Variants in YBX1 observed in about 807,000 individuals in gnomAD.
YBX1 encodes the protein Y-box-binding protein 1.
A neutral mutation model predicts 41.4 loss-of-function variants in YBX1; 3 were observed. The observed-to-expected ratio is 0.07, with a 90% confidence interval of 0.03 to 0.19. YBX1 has a LOEUF of 0.19. Among genes scored for constraint, YBX1 ranks in the 10% least tolerant of loss-of-function variants. The probability of loss-of-function intolerance (pLI) is 1.00; values close to 1 mark genes in which losing one functional copy is unlikely to be tolerated. For missense variants in YBX1, 274 were observed against 462.8 expected (o/e 0.59, Z 3.74); for synonymous variants, 133 against 165.8 (o/e 0.80, Z 1.52).
rs1370838223 is a variant in YBX1 at position 42,696,285 on chromosome 1, A to G, written c.351A>G (p.Glu117=). ...TGGAGTTTGATGTTGTTGAAGGAGA[A>G]AAGGTGAGGATGCTTTTTGTGTAAA... ...ETVEFDVVEG[E]KGAEAANVTG... The change falls in exon 4 of 8, where the codon GAA becomes GAG. Residue 117 remains glutamate, a synonymous_variant. Transcript: ENST00000321358. This position sits in a 1 kb window ranked among gnomAD's most constrained non-coding sequence, Gnocchi z 5.7. 8 of 1,612,846 alleles carry G rather than the reference A, an allele frequency of 5.0e-6. No homozygotes were observed. The highest frequency in any genetic ancestry group is 6.8e-6 in the Non-Finnish European group (8 of 1,179,428).
intron 6 of YBX1, among the ~76,000 whole-genome samples, chr1:42,699,584 G>A (rs988605646): frequency 4.0e-5 from 6 of 151,366 alleles, no homozygotes; most frequent in Non-Finnish European, 8.8e-5. Flanking sequence ...TTTATACTTG[G>A]ATAAAGAGGG....
chr1:42,688,536 G>T (rs1650254481), intron 2 of YBX1, among the ~76,000 whole-genome samples: 1 of 152,182 alleles, frequency 6.6e-6, no homozygotes, highest in African/African-American at 2.4e-5. Flanking sequence ...ACTGCCTATT[G>T]CTACTGCAGT....
Position 42,683,257 on chromosome 1 carries a change from C to G in YBX1, c.167-146C>G, listed in dbSNP as rs758841542. ...ACGTGTGCGGCGGCGGCGGCGACTG[C>G]GTGGCCCCGCACCCGGGCGGTGGAG... On this transcript the variant is annotated intron_variant, in intron 1 of 7. Transcript: ENST00000321358. 5 of 928,250 alleles carry G rather than the reference C, an allele frequency of 5.4e-6. No homozygotes were observed. The South Asian group carries it at 6.8e-5, about 13-fold the overall frequency. The allele number at this position is 928,250 out of a possible 1,614,324, so 57.5% of individuals were successfully genotyped here.
chr1:42,689,732 A>G (rs921433866), intron 2 of YBX1, among the ~76,000 whole-genome samples: 1 of 152,178 alleles, frequency 6.6e-6, no homozygotes, highest in Non-Finnish European at 1.5e-5. Flanking sequence ...GGCAAGCTGT[A>G]ATTGTCTTTT....
chr1:42,694,375 C>T (rs1357364554), intron 3 of YBX1, among the ~76,000 whole-genome samples: 2 of 150,942 alleles, frequency 1.3e-5, no homozygotes, highest in Non-Finnish European at 3.0e-5. Context: ...CTCACAGATA[C>T]GAAATGAGTA....
In YBX1 at chr1:42,696,622, A is replaced by G. The variant is rs910904973; in HGVS notation, c.355-20A>G. 3 of 1,486,294 alleles carry G rather than the reference A, an allele frequency of 2.0e-6. No individual in the cohort carries two copies. The highest frequency in any genetic ancestry group is 2.8e-5 in the South Asian group (2 of 70,704). The allele number at this position is 1,486,294 out of a possible 1,614,324, so 92.1% of individuals were successfully genotyped here. Reference sequence around the variant, plus strand: ...GTTCTGATTTCCTTTGTCACTATCAATATGTAATGGCTTTTGTAGGGTGCG... The same window carrying G: ...GTTCTGATTTCCTTTGTCACTATCAGTATGTAATGGCTTTTGTAGGGTGCG... On this transcript the variant is annotated intron_variant, in intron 4 of 7. Coordinates refer to ENST00000321358, the MANE Select transcript of YBX1 (RefSeq NM_004559.5). The surrounding 1 kb of genome is among the most constrained non-coding windows in gnomAD (Gnocchi z 5.7).
intron 2 of YBX1, among the ~76,000 whole-genome samples, chr1:42,687,365 A>AC (rs11411296): frequency 0.49 from 74,550 of 151,648 alleles, 18,550 homozygotes; most frequent in African/African-American, 0.54. Flanking sequence ...GCTCACTGCA[A>AC]CTCCGCCTCC....
chr1:42,683,949 A>C (rs1470959187), intron 2 of YBX1, among the ~76,000 whole-genome samples: 6 of 152,058 alleles, frequency 3.9e-5, no homozygotes, highest in Admixed American at 3.9e-4. Context: ...CCTTTGTTTC[A>C]CGTTTCATTT....
At chr1:42,699,624 T>G (rs1214492273) in intron 6 of YBX1, among the ~76,000 whole-genome samples, 1 of 151,968 alleles carries the variant, frequency 6.6e-6, no homozygotes, top group Non-Finnish European at 1.5e-5. Flanking sequence ...GGTTGTTTTT[T>G]TTTTTTTAAA....
chr1:42,683,062 C>A, intron 1 of YBX1: 1 of 465,516 alleles, frequency 2.1e-6, no homozygotes. Context: ...TCGCGTCACC[C>A]CCACCCAGCT....
chr1:42,683,270 C>T (rs753522365), intron 1 of YBX1, 133 bp from the exon 2 acceptor site: 2 of 1,061,968 alleles, frequency 1.9e-6, no homozygotes, highest in Admixed American at 3.7e-5. Context: ...GGCCCCGCAC[C>T]CGGGCGGTGG....
intron 1 of YBX1, chr1:42,683,161 C>T (rs910921837): frequency 9.2e-6 from 6 of 653,024 alleles, no homozygotes; most frequent in Admixed American, 2.2e-5. Context: ...CGTCCGCGGC[C>T]TGCGCACACA....
Position 42,702,431 on chromosome 1 carries a change from A to T in YBX1, c.*482A>T, listed in dbSNP as rs879838583. On this transcript the variant is annotated 3_prime_UTR_variant, in exon 8 of 8. Coordinates refer to ENST00000321358, the MANE Select transcript of YBX1 (RefSeq NM_004559.5). ...TAGGACCCTTAGCTTGACCCAGTCT[A>T]CAAATAGATGATGCTCACTGGTAAT... The T allele has an allele frequency of 2.0e-5, 3 of 152,658 alleles. No homozygotes were observed. The highest frequency in any genetic ancestry group is 2.0e-4 in the Admixed American group (3 of 15,286). 9.5% of individuals were successfully genotyped at this position (152,658 alleles called of 1,614,324 possible).
Position 42,682,703 on chromosome 1 carries a change from G to A in YBX1, c.138G>A (p.Ala46=), listed in dbSNP as rs923787749. The A allele has an allele frequency of 2.4e-5, 30 of 1,251,388 alleles. No homozygotes were observed. The highest frequency in any genetic ancestry group is 3.3e-5 in the East Asian group (1 of 30,308). The allele number at this position is 1,251,388 out of a possible 1,614,324, so 77.5% of individuals were successfully genotyped here. ...SGGPGGLTSA[A]PAGGDKKVIA... Reference sequence around the variant, plus strand: ...GCCCGGGCGGCCTCACATCGGCGGCGCCTGCCGGCGGGGACAAGAAGGTCA... The same window carrying A: ...GCCCGGGCGGCCTCACATCGGCGGCACCTGCCGGCGGGGACAAGAAGGTCA... Residue 46 remains alanine, a synonymous_variant, in exon 1 of 8, where the codon GCG becomes GCA. Transcript: ENST00000321358.
At chr1:42,686,698 G>T (rs1650205745) in intron 2 of YBX1, among the ~76,000 whole-genome samples, 1 of 152,192 alleles carries the variant, frequency 6.6e-6, no homozygotes, top group Admixed American at 6.5e-5. Flanking sequence ...ACACATGTTG[G>T]TGAAAATAGA....
At position 42,682,535 on chromosome 1, in the gene YBX1, G is replaced by T. The variant is rs1349851616; in HGVS notation, c.-31G>T. On this transcript the variant is annotated 5_prime_UTR_variant, in exon 1 of 8. Coordinates refer to ENST00000321358, the MANE Select transcript of YBX1 (RefSeq NM_004559.5). ...CACCCCGGGAGGAGCCGCAGCTGCC[G>T]CAGCCGGCCCCAGTCACCATCACCG... 1 of 1,441,316 alleles carries T rather than the reference G, an allele frequency of 6.9e-7. No homozygotes were observed. The highest frequency in any genetic ancestry group is 9.1e-7 in the Non-Finnish European group (1 of 1,102,688). The allele number at this position is 1,441,316 out of a possible 1,614,324, so 89.3% of individuals were successfully genotyped here. A position where few individuals can be genotyped will look rare whatever the true frequency, so the allele number is the denominator to read the frequency against.
chr1:42,690,791 T>G (rs1196799930), intron 2 of YBX1, among the ~76,000 whole-genome samples: 1 of 152,242 alleles, frequency 6.6e-6, no homozygotes, highest in Non-Finnish European at 1.5e-5. Context: ...GGTAGCTTTT[T>G]CTTTCTGAAT....
intron 2 of YBX1, among the ~76,000 whole-genome samples, chr1:42,689,315 GTA>G (rs1650273080): frequency 2.0e-5 from 3 of 152,276 alleles, no homozygotes. Flanking sequence ...TTGGAAATTG[GTA>G]TCTGGTTGCT....
In YBX1 at chr1:42,682,655, G is replaced by C. The variant is rs1238373021; in HGVS notation, c.90G>C (p.Thr30=). ...LSAADTKPGT[T]GSGAGSGGPG... ...CCGCCGACACCAAGCCCGGCACTAC[G>C]GGCAGCGGCGCAGGGAGCGGTGGCC... Residue 30 remains threonine (T), a synonymous_variant, in exon 1 of 8, where the codon ACG becomes ACC. Transcript: ENST00000321358. 3.7e-6 allele frequency: 5 copies of C among 1,343,012 alleles called. No homozygotes were observed. Among genetic ancestry groups the C allele is most frequent in the Non-Finnish European group, 4.7e-6 (5 of 1,055,642 alleles). 83.2% of individuals were successfully genotyped at this position (1,343,012 alleles called of 1,614,324 possible). A position where few individuals can be genotyped will look rare whatever the true frequency, so the allele number is the denominator to read the frequency against.
Sources: allele counts gnomAD v4.1 joint callset (sites outside exome capture counted in the v4.1 genomes callset), GRCh38; gene constraint gnomAD v4.1.1; non-coding constraint Gnocchi (gnomAD v3.1); transcripts MANE v1.5; gene names NCBI Gene and HGNC (gene_info 2026-07-23, HGNC 2026-07-21).